The following DLGAP2 variants were observed in gnomAD, a reference collection of about 807,000 sequenced individuals.
DLGAP2 encodes the protein DLG associated protein 2, also known as disks large-associated protein 2.
Under a neutral mutation model 100.3 loss-of-function variants are expected in DLGAP2, and 26 were observed. The observed-to-expected ratio is 0.26, with a 90% confidence interval of 0.19 to 0.36. The LOEUF (loss-of-function observed/expected upper bound fraction) is 0.36. Ranked by LOEUF, DLGAP2 falls within the 10% of genes least tolerant of loss-of-function variation. DLGAP2 has a pLI of 1.00. For synonymous variants in DLGAP2, 886 were observed against 630.1 expected, an observed-to-expected ratio of 1.41 and a Z score of -6.08; for missense variants, 1,858 against 1,453.2, an observed-to-expected ratio of 1.28 and a Z score of -4.53.
chr8:1,561,626 G>A (rs1371751447), intron 5 of DLGAP2, among the ~76,000 whole-genome samples: 1 of 152,198 alleles, frequency 6.6e-6, no homozygotes, highest in African/African-American at 2.4e-5. Context: ...GGGTGCTACA[G>A]CTGTGATCCA....
chr8:1,539,484 T>C (rs1801278477), intron 4 of DLGAP2, among the ~76,000 whole-genome samples: 1 of 151,626 alleles, frequency 6.6e-6, no homozygotes, highest in Admixed American at 6.6e-5. Context: ...ACGAGTTGAG[T>C]GAGAATTTAA....
chr8:1,163,315 C>T (rs559892663), intron 2 of DLGAP2, among the ~76,000 whole-genome samples: 90 of 152,208 alleles, frequency 5.9e-4, no homozygotes, highest in Non-Finnish European at 1.2e-3. Flanking sequence ...CTGTGCCGCA[C>T]CCCCTGCCTG....
chr8:1,673,908 TTC>T (rs2130847550), intron 10 of DLGAP2, among the ~76,000 whole-genome samples: 1 of 152,334 alleles, frequency 6.6e-6, no homozygotes, highest in South Asian at 2.1e-4. Context: ...TGTTATATTT[TTC>T]TTTTTCATGG....
chr8:987,500 A>G (rs1046665670), intron 2 of DLGAP2, among the ~76,000 whole-genome samples: 1 of 152,216 alleles, frequency 6.6e-6, no homozygotes, highest in Admixed American at 6.5e-5. Flanking sequence ...GTTCTGCCGG[A>G]CGCCCCCACG....
intron 2 of DLGAP2, among the ~76,000 whole-genome samples, chr8:1,173,708 T>G (rs1334506657): frequency 6.6e-6 from 1 of 152,208 alleles, no homozygotes; most frequent in Non-Finnish European, 1.5e-5. Context: ...AATCTCCTGG[T>G]GCGCCATTTT....
intron 3 of DLGAP2, among the ~76,000 whole-genome samples, chr8:1,444,930 C>T (rs914164191): frequency 6.6e-6 from 1 of 151,544 alleles, no homozygotes; most frequent in Non-Finnish European, 1.5e-5. Flanking sequence ...GTGCCCCATG[C>T]CCAGCTAATT....
intron 12 of DLGAP2, among the ~76,000 whole-genome samples, chr8:1,685,083 C>A (rs1401347020): frequency 6.6e-6 from 1 of 151,784 alleles, no homozygotes; most frequent in Non-Finnish European, 1.5e-5. Context: ...AACACAAGAG[C>A]CGGGGTCAGA....
chr8:1,175,996 C>G (rs374939333), intron 2 of DLGAP2, among the ~76,000 whole-genome samples: 1 of 152,156 alleles, frequency 6.6e-6, no homozygotes, highest in African/African-American at 2.4e-5. Context: ...TCATACCATC[C>G]GCCCGATAAA....
Position 1,676,599 on chromosome 8 carries a change from C to T in DLGAP2, c.2269C>T (p.Gln757Ter). Residue 757 changes from glutamine (Q) to a stop codon, truncating the protein, a stop_gained, in exon 11 of 15, where the codon CAA becomes TAA. Coordinates refer to ENST00000637795, the MANE Select transcript of DLGAP2 (RefSeq NM_001346810.2). LOFTEE classifies it high-confidence loss of function. ...GLREYHSVGVQVEDEKRHGRF... is the reference protein window; with the variant it reads ...GLREYHSVGV ...GCGGGAATACCACTCTGTCGGGGTG[C>T]AAGTGGAAGATGAGAAGCGGTAACT... 1 of 1,613,118 alleles carries T rather than the reference C, an allele frequency of 6.2e-7. No individual in the cohort carries two copies. Among genetic ancestry groups the T allele is most frequent in the Non-Finnish European group, 8.5e-7 (1 of 1,179,576 alleles).
chr8:1,198,151 C>T (rs1020447419), intron 2 of DLGAP2, among the ~76,000 whole-genome samples: 1 of 152,016 alleles, frequency 6.6e-6, no homozygotes, highest in African/African-American at 2.4e-5. Flanking sequence ...CGTAGACTCC[C>T]ACACAGGCCC....
At chr8:1,270,979 G>C (rs1799571289) in intron 3 of DLGAP2, among the ~76,000 whole-genome samples, 1 of 152,142 alleles carries the variant, frequency 6.6e-6, no homozygotes, top group Admixed American at 6.5e-5. Flanking sequence ...GTTGCAAAAA[G>C]GTAGATGGGA....
intron 8 of DLGAP2, among the ~76,000 whole-genome samples, chr8:1,658,068 C>A (rs1237110374): frequency 6.6e-6 from 1 of 151,992 alleles, no homozygotes; most frequent in Non-Finnish European, 1.5e-5. Context: ...TACATAGGGC[C>A]CAGGGGATTG....
At chr8:1,263,553 C>T (rs1464177926) in intron 3 of DLGAP2, among the ~76,000 whole-genome samples, 3 of 152,160 alleles carry the variant, frequency 2.0e-5, no homozygotes, top group Non-Finnish European at 4.4e-5. Context: ...GCATTAAGTT[C>T]TTGCTTTTTA....
At chr8:1,578,174 C>T (rs1205138493) in intron 6 of DLGAP2, among the ~76,000 whole-genome samples, 1 of 152,144 alleles carries the variant, frequency 6.6e-6, no homozygotes, top group Non-Finnish European at 1.5e-5. Flanking sequence ...TTTACGTTTC[C>T]AAGTGATTCA....
intron 4 of DLGAP2, among the ~76,000 whole-genome samples, chr8:1,513,308 T>G (rs561364618): frequency 7.0e-6 from 1 of 142,038 alleles, no homozygotes; most frequent in East Asian, 2.1e-4. Context: ...CCTTTCCCAG[T>G]GCAAGGGAGG....
chr8:1,188,427 G>A (rs1181837616), intron 2 of DLGAP2, among the ~76,000 whole-genome samples: 3 of 111,492 alleles, frequency 2.7e-5, no homozygotes, highest in South Asian at 2.7e-4. Flanking sequence ...AATCGCGCAC[G>A]CCCGGGACCT....
chr8:1,679,380 G>A (rs1217185100), intron 12 of DLGAP2, among the ~76,000 whole-genome samples: 2 of 81,004 alleles, frequency 2.5e-5, no homozygotes, highest in Admixed American at 1.3e-4. Context: ...ATTCCTCTAC[G>A]GGAGTCACCA....
At position 1,320,495 on chromosome 8, in the gene DLGAP2, G is replaced by A. The variant is rs763766439; in HGVS notation, c.106+61612G>A. ...GGAAGGCATCAGGAGCCGGGCAGACGGGTGAACGGGCAACATACGGGCACA... is the reference window on the plus strand; with the variant it reads ...GGAAGGCATCAGGAGCCGGGCAGACAGGTGAACGGGCAACATACGGGCACA... On this transcript the variant is annotated intron_variant, in intron 3 of 14. Transcript: ENST00000637795. Among the ~76,000 whole-genome samples the A allele has an allele frequency of 5.1e-4, 77 of 152,194 alleles. 1 individual carries two copies. The highest frequency in any genetic ancestry group is 2.6e-4 in the Admixed American group (4 of 15,280).
intron 6 of DLGAP2, among the ~76,000 whole-genome samples, chr8:1,590,446 A>G (rs1028482492): frequency 6.6e-6 from 1 of 152,190 alleles, no homozygotes; most frequent in Non-Finnish European, 1.5e-5. Flanking sequence ...CAAATATAGG[A>G]TGTCATTTCT....
Sources: allele counts gnomAD v4.1 joint callset (sites outside exome capture counted in the v4.1 genomes callset), GRCh38; gene constraint gnomAD v4.1.1; transcripts MANE v1.5; gene names NCBI Gene and HGNC (gene_info 2026-07-23, HGNC 2026-07-21).